The following NRXN2 variants were observed in gnomAD, a reference collection of about 807,000 sequenced individuals.
NRXN2 encodes neurexin 2, also known as neurexin-2-beta.
In NRXN2, 29 loss-of-function variants were observed where a neutral mutation model predicts 128.8. That is an observed-to-expected ratio of 0.23 (90% confidence interval 0.17 to 0.31). The LOEUF (loss-of-function observed/expected upper bound fraction) is 0.31, where lower values mean the gene tolerates loss of function less well. Ranked by LOEUF, NRXN2 falls within the 10% of genes least tolerant of loss-of-function variation. NRXN2 has a pLI of 1.00. For missense variants in NRXN2, 1,881 were observed against 2,452.6 expected (o/e 0.77, Z 4.92); for synonymous variants, 1,098 against 1,075.2 (o/e 1.02, Z -0.41).
At chr11:64,657,580 C>T (rs891586938) in intron 11 of NRXN2, among the ~76,000 whole-genome samples, 5 of 152,160 alleles carry the variant, frequency 3.3e-5, no homozygotes, top group Non-Finnish European at 7.3e-5. Flanking sequence ...AGTGAAGATT[C>T]TTATCTCCAT....
At chr11:64,700,753 C>G (rs895402295) in intron 2 of NRXN2, among the ~76,000 whole-genome samples, 2 of 152,202 alleles carry the variant, frequency 1.3e-5, no homozygotes, top group Admixed American at 6.5e-5. Flanking sequence ...GTGATGAGAA[C>G]CTTTCAGTGT....
Position 64,623,028 on chromosome 11 carries a change from G to A in NRXN2, c.3898C>T (p.Arg1300Trp), listed in dbSNP as rs766313167. 1.4e-5 allele frequency: 23 copies of A among 1,611,164 alleles called. No individual in the cohort carries two copies. The highest frequency in any genetic ancestry group is 8.9e-5 in the East Asian group (4 of 44,844). Residue 1300 changes from arginine to tryptophan, a missense_variant, in exon 21 of 23, where the codon CGG becomes TGG. Transcript: ENST00000265459. The surrounding 1 kb of genome is among the most constrained non-coding windows in gnomAD (Gnocchi z 4.9). ...CCCTGGAAGGGGCGGCCCTGATCCC[G>A]GCCCCCGATCTTGATGGCAGCCTGG... ...NSQAAIKIGG[R>W]DQGRPFQGQV...
At chr11:64,624,086 A>G (rs1591563574) in intron 20 of NRXN2, 1 of 152,180 alleles carries the variant, frequency 6.6e-6, no homozygotes, top group Non-Finnish European at 1.5e-5. Flanking sequence ...GGCCTACCAC[A>G]TTGCCCCATC....
intron 22 of NRXN2, among the ~76,000 whole-genome samples, chr11:64,616,467 G>A (rs773082304): frequency 1.3e-5 from 2 of 152,162 alleles, no homozygotes; most frequent in Non-Finnish European, 2.9e-5. Flanking sequence ...GTCTGAACAT[G>A]CATGTAGGAC....
chr11:64,711,693 C>T (rs2056910602), intron 2 of NRXN2, among the ~76,000 whole-genome samples: 1 of 152,114 alleles, frequency 6.6e-6, no homozygotes, highest in African/African-American at 2.4e-5. Flanking sequence ...CTGTCCAGCC[C>T]AGCAATCTCC....
In NRXN2 at chr11:64,660,676, G is replaced by A; in HGVS notation, c.2185+77C>T. The stretch of plus-strand genomic sequence containing the variant: ...CCCTAGGAGGAGGTGGCACAGGGAT[G>A]GAAAGTAGGAGTCACCCTGAGAAGG... On this transcript the variant is annotated intron_variant, in intron 10 of 22. Coordinates refer to ENST00000265459, the MANE Select transcript of NRXN2 (RefSeq NM_015080.4). The surrounding 1 kb of genome is among the most constrained non-coding windows in gnomAD (Gnocchi z 5.2). 1 of 1,599,034 alleles carries A rather than the reference G, an allele frequency of 6.3e-7. No homozygotes were observed. Among genetic ancestry groups the A allele is most frequent in the Non-Finnish European group, 8.5e-7 (1 of 1,176,350 alleles).
chr11:64,636,506 G>A (rs1241416453), intron 17 of NRXN2, among the ~76,000 whole-genome samples: 2 of 152,144 alleles, frequency 1.3e-5, no homozygotes, highest in Non-Finnish European at 2.9e-5. Flanking sequence ...GAAGGGTAGA[G>A]AACAATCTTG....
At chr11:64,642,547 C>T in intron 17 of NRXN2, 1 of 1,609,026 alleles carries the variant, frequency 6.2e-7, no homozygotes, top group African/African-American at 1.3e-5. Context: ...ACCGTGGCCG[C>T]CGCGGGTGAG....
rs746209411 is a variant in NRXN2 at position 64,642,501 on chromosome 11, G to A, written c.3403+5718C>T. On this transcript the variant is annotated intron_variant, in intron 17 of 22. Transcript: ENST00000265459. ...CACACGGGAAGCGCCCCCCGCCCCCGGGCCAACCGGGTGGCCGGCATCTAC... is the reference window on the plus strand; with the variant it reads ...CACACGGGAAGCGCCCCCCGCCCCCAGGCCAACCGGGTGGCCGGCATCTAC... The A allele has an allele frequency of 1.9e-6, 3 of 1,589,716 alleles. No homozygotes were observed. In the South Asian group the frequency reaches 3.4e-5, roughly 18 times the overall value.
At chr11:64,687,314 G>C (rs550231164) in intron 5 of NRXN2, among the ~76,000 whole-genome samples, 3 of 146,700 alleles carry the variant, frequency 2.0e-5, no homozygotes. Context: ...GGGTGGTGGC[G>C]GGGGGGGAGT....
At chr11:64,694,706 A>T (rs1396581902) in intron 3 of NRXN2, among the ~76,000 whole-genome samples, 1 of 151,954 alleles carries the variant, frequency 6.6e-6, no homozygotes, top group African/African-American at 2.4e-5. Context: ...TCTGCCACCA[A>T]CCCTTTCCCC....
At chr11:64,636,112 G>C (rs1277641867) in intron 17 of NRXN2, among the ~76,000 whole-genome samples, 1 of 152,004 alleles carries the variant, frequency 6.6e-6, no homozygotes, top group Non-Finnish European at 1.5e-5. Context: ...GGTGGGGGTG[G>C]GGGAGGGGGG....
At chr11:64,678,359 T>C (rs966864623) in intron 6 of NRXN2, among the ~76,000 whole-genome samples, 1 of 152,010 alleles carries the variant, frequency 6.6e-6, no homozygotes, top group Non-Finnish European at 1.5e-5. Context: ...TCTCTCACTC[T>C]CTGGGCTGCT....
intron 17 of NRXN2, chr11:64,642,665 C>A (rs1318538390): frequency 3.8e-6 from 6 of 1,575,898 alleles, no homozygotes; most frequent in Non-Finnish European, 4.3e-6. Context: ...CCCTCGGCCG[C>A]CCCCAGCAGC....
chr11:64,713,442 G>A lies in NRXN2; in HGVS notation c.258C>T (p.Arg86=). Residue 86 remains arginine (R), a synonymous_variant, in exon 2 of 23, where the codon CGC becomes CGT. Transcript: ENST00000265459. The part of the protein sequence containing the change: ...DFLELLLVDG[R]LRLRFTLSCA... Reference sequence around the variant, plus strand: ...ACGAAAGCGTGAAGCGCAGCCGCAGGCGGCCGTCCACCAGCAGCAGCTCCA... The same window carrying A: ...ACGAAAGCGTGAAGCGCAGCCGCAGACGGCCGTCCACCAGCAGCAGCTCCA... 2 of 1,517,222 alleles carry A rather than the reference G, an allele frequency of 1.3e-6. No homozygotes were observed. Among genetic ancestry groups the A allele is most frequent in the Non-Finnish European group, 8.8e-7 (1 of 1,140,880 alleles). 94.0% of individuals were successfully genotyped at this position (1,517,222 alleles called of 1,614,324 possible). A position where few individuals can be genotyped will look rare whatever the true frequency, so the allele number is the denominator to read the frequency against.
chr11:64,686,635 C>T (rs930061510), intron 5 of NRXN2, among the ~76,000 whole-genome samples: 1 of 152,180 alleles, frequency 6.6e-6, no homozygotes, highest in Non-Finnish European at 1.5e-5. Context: ...GGCCACAGCC[C>T]CAGCTATCAT....
rs893912079 is a variant in NRXN2 at position 64,648,193 on chromosome 11, T to G, written c.3403+26A>C. On this transcript the variant is annotated intron_variant, in intron 17 of 22. Coordinates refer to ENST00000265459, the MANE Select transcript of NRXN2 (RefSeq NM_015080.4). The surrounding 1 kb of genome is among the most constrained non-coding windows in gnomAD (Gnocchi z 4.1). Reference sequence around the variant, plus strand: ...GGAATGGACCCTGGTCTCCCCAAACTGCCCCCAGCCCTCCCAGGCACTCAC... The same window carrying G: ...GGAATGGACCCTGGTCTCCCCAAACGGCCCCCAGCCCTCCCAGGCACTCAC... 1 of 1,613,890 alleles carries G rather than the reference T, an allele frequency of 6.2e-7. No homozygotes were observed. The highest frequency in any genetic ancestry group is 1.3e-5 in the African/African-American group (1 of 74,926).
At position 64,607,747 on chromosome 11, in the gene NRXN2, G is replaced by A; in HGVS notation, c.4588C>T (p.Arg1530Cys). The A allele has an allele frequency of 6.3e-7, 1 of 1,579,270 alleles. No individual in the cohort carries two copies. The highest frequency in any genetic ancestry group is 8.6e-7 in the Non-Finnish European group (1 of 1,162,890). ...VTDRTTLLSP[R>C]KPAPRPNLRT... is the part of the protein sequence containing the mutation. ...AGGTTGGGCCGGGGAGCGGGTTTGC[G>A]GGGTGACAGGAGGGTGGTGCGGTCC... is the stretch of plus-strand genomic sequence containing the variant. The change falls in exon 23 of 23, where the codon CGC becomes TGC. Residue 1530 changes from arginine (R) to cysteine (C), a missense_variant. By Grantham distance (180) the Arg-to-Cys change is radical. Around this residue, in one of 7 missense-constraint regions of NRXN2, gnomAD observed 310 missense variants for 318.2 expected, o/e 0.97. Transcript: ENST00000265459.
intron 2 of NRXN2, among the ~76,000 whole-genome samples, chr11:64,700,162 C>A (rs763409287): frequency 4.4e-4 from 67 of 152,170 alleles, no homozygotes; most frequent in Non-Finnish European, 8.4e-4. Context: ...CTTCTCCTCG[C>A]TCTCCTCAGT....
Sources: allele counts gnomAD v4.1 joint callset (sites outside exome capture counted in the v4.1 genomes callset), GRCh38; gene constraint gnomAD v4.1.1; regional missense constraint gnomAD v4.1.1; non-coding constraint Gnocchi (gnomAD v3.1); transcripts MANE v1.5; gene names NCBI Gene and HGNC (gene_info 2026-07-23, HGNC 2026-07-21).